Variants in CPPED1 observed in about 807,000 individuals in gnomAD.
CPPED1 encodes serine/threonine-protein phosphatase CPPED1.
In CPPED1, 28 loss-of-function variants were observed where a neutral mutation model predicts 28.0. The ratio of observed to expected loss-of-function variants is 1.00; its 90% CI spans 0.74 to 1.37. The LOEUF (loss-of-function observed/expected upper bound fraction) is 1.37. Among genes scored for constraint, CPPED1 ranks in the 40% most tolerant of loss-of-function variants. CPPED1 has a pLI of 0.00. For missense variants in CPPED1, 504 were observed against 416.5 expected (o/e 1.21, Z -1.83); for synonymous variants, 198 against 180.2 (o/e 1.10, Z -0.79).
intron 1 of CPPED1, among the ~76,000 whole-genome samples, chr16:12,790,150 A>C (rs1187153782): frequency 6.6e-6 from 1 of 152,202 alleles, no homozygotes; most frequent in Non-Finnish European, 1.5e-5. Context: ...TTTACCATTA[A>C]TCTTTCCTAT....
chr16:12,677,130 G>A (rs764001744), intron 3 of CPPED1, among the ~76,000 whole-genome samples: 2 of 152,186 alleles, frequency 1.3e-5, no homozygotes, highest in East Asian at 1.9e-4. Flanking sequence ...CTGGGCATCC[G>A]AATTTCCTCT....
At chr16:12,716,958 T>C (rs1332276307) in intron 2 of CPPED1, among the ~76,000 whole-genome samples, 1 of 151,598 alleles carries the variant, frequency 6.6e-6, no homozygotes, top group Non-Finnish European at 1.5e-5. Context: ...CTAAGCCAGT[T>C]GGGAGGCACC....
chr16:12,703,873 G>C (rs2080033571), intron 3 of CPPED1, among the ~76,000 whole-genome samples: 1 of 152,168 alleles, frequency 6.6e-6, no homozygotes, highest in African/African-American at 2.4e-5. Context: ...GGGTGGGCTA[G>C]TGCCTTAGAG....
chr16:12,753,322 A>G (rs2080342879), intron 2 of CPPED1: 1 of 152,130 alleles, frequency 6.6e-6, no homozygotes, highest in Non-Finnish European at 1.5e-5. Flanking sequence ...GAAACTGATA[A>G]TATTTTGATG....
intron 2 of CPPED1, 136 bp downstream of exon 2, chr16:12,781,049 G>T (rs996111031): frequency 5.8e-6 from 4 of 685,830 alleles, no homozygotes; most frequent in Non-Finnish European, 5.0e-6. Flanking sequence ...CAATGATACT[G>T]CAACAATCAT....
chr16:12,749,194 T>G (rs1404751020), intron 2 of CPPED1, among the ~76,000 whole-genome samples: 2 of 152,190 alleles, frequency 1.3e-5, no homozygotes, highest in Non-Finnish European at 2.9e-5. Context: ...TTAATAGCAT[T>G]TCATCTACAG....
chr16:12,750,211 A>G (rs2080318723), intron 2 of CPPED1, among the ~76,000 whole-genome samples: 2 of 152,318 alleles, frequency 1.3e-5, no homozygotes, highest in Middle Eastern at 3.4e-3. Flanking sequence ...AGCACTTGTT[A>G]GTTTCCTTTA....
rs940043817 is a variant in CPPED1 at position 12,682,165 on chromosome 16, G to C, written c.716-17050C>G. Among the ~76,000 whole-genome samples, 2 of 152,044 alleles carry C rather than the reference G, an allele frequency of 1.3e-5. No individual in the cohort carries two copies. Among genetic ancestry groups the C allele is most frequent in the African/African-American group, 4.8e-5 (2 of 41,406 alleles). On this transcript the variant is annotated intron_variant, in intron 3 of 3. Coordinates refer to ENST00000381774, the MANE Select transcript of CPPED1 (RefSeq NM_018340.3). This position sits in a 1 kb window ranked among gnomAD's most constrained non-coding sequence, Gnocchi z 6.1. ...TCTCCCTGCCTCAGCCTCCCGAGTA[G>C]CTGAGATTACAGGTTCCCGCTACCA...
At chr16:12,766,638 G>A (rs559968434) in intron 2 of CPPED1, among the ~76,000 whole-genome samples, 27 of 152,166 alleles carry the variant, frequency 1.8e-4, no homozygotes, top group African/African-American at 6.3e-4. Context: ...GTGTGGTGGC[G>A]GGCACCTGTA....
At chr16:12,735,732 C>A (rs1389221855) in intron 2 of CPPED1, among the ~76,000 whole-genome samples, 1 of 152,202 alleles carries the variant, frequency 6.6e-6, no homozygotes, top group Non-Finnish European at 1.5e-5. Flanking sequence ...ACACAGCAAG[C>A]CCTATATAAA....
chr16:12,775,601 T>A (rs987473796), intron 2 of CPPED1, among the ~76,000 whole-genome samples: 1 of 152,220 alleles, frequency 6.6e-6, no homozygotes, highest in Non-Finnish European at 1.5e-5. Flanking sequence ...ACAGTTCATC[T>A]GGGAATCTTG....
intron 2 of CPPED1, among the ~76,000 whole-genome samples, chr16:12,725,371 G>A (rs1405531732): frequency 1.3e-5 from 2 of 152,216 alleles, no homozygotes; most frequent in African/African-American, 2.4e-5. Flanking sequence ...TGGGATTACA[G>A]GCATAAGCCA....
At chr16:12,725,939 C>G (rs1031720233) in intron 2 of CPPED1, among the ~76,000 whole-genome samples, 6 of 152,176 alleles carry the variant, frequency 3.9e-5, no homozygotes, top group African/African-American at 1.4e-4. Flanking sequence ...TGCCTATAAT[C>G]CCAGCACTGA....
chr16:12,677,082 A>T (rs1009587461), intron 3 of CPPED1, among the ~76,000 whole-genome samples: 4 of 152,206 alleles, frequency 2.6e-5, no homozygotes, highest in African/African-American at 9.7e-5. Context: ...AGGAAGCAGC[A>T]GGCACCAAAC....
Position 12,780,560 on chromosome 16 carries a change from G to A in CPPED1, c.289+625C>T, listed in dbSNP as rs575850451. On this transcript the variant is annotated intron_variant, in intron 2 of 3. Transcript: ENST00000381774. Reference sequence around the variant, plus strand: ...AAAGGATACAAATGTAGACCTCCCAGGAGCCACTATCTAGAGAGAGCCTGA... The same window carrying A: ...AAAGGATACAAATGTAGACCTCCCAAGAGCCACTATCTAGAGAGAGCCTGA... Among the ~76,000 whole-genome samples, 3 of 152,204 alleles carry A rather than the reference G, an allele frequency of 2.0e-5. No individual in the cohort carries two copies. The South Asian group carries it at 6.2e-4, about 32-fold the overall frequency.
At chr16:12,791,990 C>T (rs563627488) in intron 1 of CPPED1, among the ~76,000 whole-genome samples, 1 of 151,184 alleles carries the variant, frequency 6.6e-6, no homozygotes, top group African/African-American at 2.4e-5. Context: ...CTTGATCTGT[C>T]CCCCAGGCTG....
chr16:12,704,877 C>G lies in CPPED1; in HGVS notation c.462G>C (p.Trp154Cys). Residue 154 changes from tryptophan to cysteine, a missense_variant, in exon 3 of 4, where the codon TGG (tryptophan) becomes TGC (cysteine). Physicochemically the swap from Trp to Cys is radical, Grantham distance 215. Transcript: ENST00000381774. ...RTWGDDYFSF[W>C]VGGVLFLVLN... ...GGACCAGGAACAGGACGCCCCCGAC[C>G]CAGAAGCTGAAGTAGTCATCTCCCC... The G allele has an allele frequency of 6.2e-7, 1 of 1,614,184 alleles. No individual in the cohort carries two copies. The highest frequency in any genetic ancestry group is 8.5e-7 in the Non-Finnish European group (1 of 1,180,032).
At chr16:12,744,287 AG>A (rs1338694475) in intron 2 of CPPED1, among the ~76,000 whole-genome samples, 102 of 147,076 alleles carry the variant, frequency 6.9e-4, no homozygotes, top group African/African-American at 2.1e-3. Flanking sequence ...AGAGAGAGAG[AG>A]AGAGAGAGAA....
At chr16:12,782,759 T>G (rs2080540096) in intron 1 of CPPED1, among the ~76,000 whole-genome samples, 1 of 151,862 alleles carries the variant, frequency 6.6e-6, no homozygotes, top group Admixed American at 6.6e-5. Context: ...TAATCCCAGC[T>G]ACTTGGGAGG....
Sources: allele counts gnomAD v4.1 joint callset (sites outside exome capture counted in the v4.1 genomes callset), GRCh38; gene constraint gnomAD v4.1.1; non-coding constraint Gnocchi (gnomAD v3.1); transcripts MANE v1.5; gene names NCBI Gene and HGNC (gene_info 2026-07-23, HGNC 2026-07-21).